The following PLEKHG3 variants were observed in gnomAD, a reference collection of about 807,000 sequenced individuals.
PLEKHG3 encodes pleckstrin homology and RhoGEF domain containing G3.
A neutral mutation model predicts 94.9 loss-of-function variants in PLEKHG3; 62 were observed. The ratio of observed to expected loss-of-function variants is 0.65; its 90% CI spans 0.53 to 0.81. The LOEUF (loss-of-function observed/expected upper bound fraction) is 0.81. PLEKHG3 is among the 30% of genes least tolerant of loss of function. The pLI, the probability that PLEKHG3 is intolerant of heterozygous loss-of-function variation, is 0.00. For synonymous variants in PLEKHG3, 614 were observed against 654.0 expected (o/e 0.94, Z 0.93); for missense variants, 1,461 against 1,619.3 (o/e 0.90, Z 1.68).
Position 64,716,224 on chromosome 14 carries a change from G to A in PLEKHG3, c.-39-11369G>A, listed in dbSNP as rs144635448. The A allele has an allele frequency of 9.7e-3, 3,473 of 359,768 alleles. 39 individuals are homozygous for A. Among genetic ancestry groups the A allele is most frequent in the South Asian group, 0.017 (813 of 49,246 alleles). 22.3% of individuals were successfully genotyped at this position (359,768 alleles called of 1,614,324 possible). ...CCAATCACAGGCTTTAGGGTAAAAG[G>A]CAGGTTTTTCCCTTGTGGGTTAGAC... On this transcript the variant is annotated intron_variant, in intron 1 of 16. Coordinates refer to ENST00000247226, the MANE Select transcript of PLEKHG3 (RefSeq NM_001308147.2). This position sits in a 1 kb window ranked among gnomAD's most constrained non-coding sequence, Gnocchi z 5.0.
chr14:64,710,037 G>T (rs1566689777), intron 1 of PLEKHG3, among the ~76,000 whole-genome samples: 1 of 152,204 alleles, frequency 6.6e-6, no homozygotes, highest in Non-Finnish European at 1.5e-5. Context: ...CCTGCAGCAT[G>T]TAAGAAGGAG....
In PLEKHG3 at chr14:64,741,167, C is replaced by T; in HGVS notation, c.1650C>T (p.Gly550=). The T allele has an allele frequency of 6.2e-7, 1 of 1,614,154 alleles. No individual in the cohort carries two copies. The highest frequency in any genetic ancestry group is 2.2e-5 in the East Asian group (1 of 44,890). ...AGACACAGCTTGATGCCCACCAGGG[C>T]CTTCTGGGGATGGACCCCCCAGGTG... The part of the protein sequence containing the change: ...VLETQLDAHQ[G]LLGMDPPGDM... The change falls in exon 16 of 17, where the codon GGC becomes GGT. Residue 550 remains glycine, a synonymous_variant. Coordinates refer to ENST00000247226, the MANE Select transcript of PLEKHG3 (RefSeq NM_001308147.2).
At chr14:64,712,214 G>A (rs2081074593) in intron 1 of PLEKHG3, among the ~76,000 whole-genome samples, 1 of 152,124 alleles carries the variant, frequency 6.6e-6, no homozygotes, top group African/African-American at 2.4e-5. Context: ...GTACCATATA[G>A]TCTTGATAAC....
In PLEKHG3 at chr14:64,741,354, T is replaced by C. The variant is rs1471100382; in HGVS notation, c.1837T>C (p.Phe613Leu). The C allele has an allele frequency of 6.2e-6, 10 of 1,613,400 alleles. No individual in the cohort carries two copies. The highest frequency in any genetic ancestry group is 8.5e-6 in the Non-Finnish European group (10 of 1,180,030). Residue 613 changes from phenylalanine (F) to leucine (L), a missense_variant, in exon 16 of 17, where the codon TTC becomes CTC. By Grantham distance (22) the Phe-to-Leu change is conservative (BLOSUM62 0). Around this residue, in one of 3 missense-constraint regions of PLEKHG3, gnomAD observed 1,201 missense variants for 1,295.5 expected, o/e 0.93. Coordinates refer to ENST00000247226, the MANE Select transcript of PLEKHG3 (RefSeq NM_001308147.2). The stretch of plus-strand genomic sequence containing the variant: ...CATTGCGGAGCGATTTGTCAGCAGC[T>C]TCTCTCGGCGGAGCAGCGTGGCACA... ...SVIAERFVSS[F>L]SRRSSVAQED...
In PLEKHG3 at chr14:64,731,686, C is replaced by G. The variant is rs779747958; in HGVS notation, c.1033-28C>G. The G allele has an allele frequency of 6.4e-7, 1 of 1,566,652 alleles. No individual in the cohort carries two copies. The highest frequency in any genetic ancestry group is 1.7e-5 in the Admixed American group (1 of 59,964). ...GCTTCCCCAGGCTGTCAACCTTGTG[C>G]TTGACTGTCCTTTCCCTCTGCCCCT... On this transcript the variant is annotated intron_variant, in intron 8 of 16. Transcript: ENST00000247226. This position sits in a 1 kb window ranked among gnomAD's most constrained non-coding sequence, Gnocchi z 6.1.
chr14:64,726,197 C>T lies in PLEKHG3; in HGVS notation c.-39-1396C>T, dbSNP rs1308685309. Among the ~76,000 whole-genome samples, 2 of 152,070 alleles carry T rather than the reference C, an allele frequency of 1.3e-5. No homozygotes were observed. The highest frequency in any genetic ancestry group is 2.9e-5 in the Non-Finnish European group (2 of 68,002). ...AGAACATTTGCAAAAGCCGGAGACC[C>T]AGGGGTGTTGGTTTCCAGGTTGAGG... On this transcript the variant is annotated intron_variant, in intron 1 of 16. Coordinates refer to ENST00000247226, the MANE Select transcript of PLEKHG3 (RefSeq NM_001308147.2). This position sits in a 1 kb window ranked among gnomAD's most constrained non-coding sequence, Gnocchi z 5.1.
chr14:64,727,436 G>A lies in PLEKHG3; in HGVS notation c.-39-157G>A, dbSNP rs1300738706. ...CATATCATTGTGCAATGTCATCACT[G>A]TCTATCCACAGAACCTTTTCATCTT... On this transcript the variant is annotated intron_variant, in intron 1 of 16. Transcript: ENST00000247226. The surrounding 1 kb of genome is among the most constrained non-coding windows in gnomAD (Gnocchi z 6.0). Among the ~76,000 whole-genome samples, 1 of 152,184 alleles carries A rather than the reference G, an allele frequency of 6.6e-6. No individual in the cohort carries two copies. Among genetic ancestry groups the A allele is most frequent in the Non-Finnish European group, 1.5e-5 (1 of 68,028 alleles).
chr14:64,705,635 C>A (rs1404893899), intron 1 of PLEKHG3, among the ~76,000 whole-genome samples: 3 of 152,212 alleles, frequency 2.0e-5, no homozygotes, highest in Admixed American at 6.5e-5. Context: ...CGTGCCTCTG[C>A]ACGCAGCCCA....
At position 64,724,343 on chromosome 14, in the gene PLEKHG3, C is replaced by T. The variant is rs1044149603; in HGVS notation, c.-39-3250C>T. Among the ~76,000 whole-genome samples the T allele has an allele frequency of 4.6e-5, 7 of 152,106 alleles. No homozygotes were observed. The South Asian group carries it at 6.2e-4, about 14-fold the overall frequency. ...CTTTGTACTCAGTGCCTCATTTGTT[C>T]TTCAGCCCTCCCTTTCTTGGGCTCT... On this transcript the variant is annotated intron_variant, in intron 1 of 16. Coordinates refer to ENST00000247226, the MANE Select transcript of PLEKHG3 (RefSeq NM_001308147.2).
In PLEKHG3 at chr14:64,741,979, T is replaced by C. The variant is rs184769882; in HGVS notation, c.2462T>C (p.Met821Thr). Residue 821 changes from methionine (M) to threonine (T), a missense_variant, in exon 16 of 17, where the codon ATG (methionine) becomes ACG (threonine). Around this residue, in one of 3 missense-constraint regions of PLEKHG3, gnomAD observed 1,201 missense variants for 1,295.5 expected, o/e 0.93. Coordinates refer to ENST00000247226, the MANE Select transcript of PLEKHG3 (RefSeq NM_001308147.2). ...GAAATTGTGAAGATCTGGGAGGGAA[T>C]GGAGTCTTCCGGAGGGAGCCCTGGG... Reference protein sequence around the residue: ...SSEIVKIWEGMESSGGSPGKG... With the variant: ...SSEIVKIWEGTESSGGSPGKG... The C allele has an allele frequency of 4.8e-4, 751 of 1,574,958 alleles. 2 individuals are homozygous for C. The highest frequency in any genetic ancestry group is 4.9e-5 in the Non-Finnish European group (57 of 1,162,322).
At chr14:64,724,956 G>A (rs1239958205) in intron 1 of PLEKHG3, among the ~76,000 whole-genome samples, 1 of 152,242 alleles carries the variant, frequency 6.6e-6, no homozygotes, top group Non-Finnish European at 1.5e-5. Context: ...TATATACAGA[G>A]CGCTCAGAGC....
rs2081399008 is a variant in PLEKHG3 at position 64,728,628 on chromosome 14, CTGGCAGTCTT to C, written c.352-365_352-356del. On this transcript the variant is annotated intron_variant, in intron 2 of 16. Coordinates refer to ENST00000247226, the MANE Select transcript of PLEKHG3 (RefSeq NM_001308147.2). This position sits in a 1 kb window ranked among gnomAD's most constrained non-coding sequence, Gnocchi z 5.9. The stretch of plus-strand genomic sequence containing the variant: ...TGCCTGTCATCCAGCTTCTGGGGTC[CTGGCAGTCTT>C]TGACATTGTTGGCCTGGAGATGCGG... 1.3e-5 allele frequency among the ~76,000 whole-genome samples: 2 copies of C among 152,206 alleles called. No individual in the cohort carries two copies. Among genetic ancestry groups the C allele is most frequent in the African/African-American group, 4.8e-5 (2 of 41,446 alleles).
At position 64,727,505 on chromosome 14, in the gene PLEKHG3, C is replaced by CA; in HGVS notation, c.-39-87dup. ...TGCACTAAATAATACCTTCCCACCC[C>CA]ACCTGCCCCCACCCCTGGCAACCGT... On this transcript the variant is annotated intron_variant, in intron 1 of 16. Transcript: ENST00000247226. The surrounding 1 kb of genome is among the most constrained non-coding windows in gnomAD (Gnocchi z 6.0). 2.2e-6 allele frequency: 1 copy of CA among 462,410 alleles called. No homozygotes were observed. Among genetic ancestry groups the CA allele is most frequent in the South Asian group, 2.0e-5 (1 of 48,868 alleles). 28.6% of individuals were successfully genotyped at this position (462,410 alleles called of 1,614,324 possible).
chr14:64,724,466 T>G (rs929698643), intron 1 of PLEKHG3, among the ~76,000 whole-genome samples: 1 of 152,064 alleles, frequency 6.6e-6, no homozygotes, highest in Non-Finnish European at 1.5e-5. Context: ...ATCCAAGAAG[T>G]TTATAGTCCA....
In PLEKHG3 at chr14:64,747,560, T is replaced by C. The variant is rs2081866453; in HGVS notation, c.*3857T>C. 1 of 152,494 alleles carries C rather than the reference T, an allele frequency of 6.6e-6. No individual in the cohort carries two copies. Among genetic ancestry groups the C allele is most frequent in the Admixed American group, 6.5e-5 (1 of 15,278 alleles). The allele number at this position is 152,494 out of a possible 1,614,324, so 9.4% of individuals were successfully genotyped here. On this transcript the variant is annotated 3_prime_UTR_variant, in exon 17 of 17. Coordinates refer to ENST00000247226, the MANE Select transcript of PLEKHG3 (RefSeq NM_001308147.2). ...TGGCTCCTGCCTGCTGCAGTTGGTG[T>C]CACCCTGACATATAGTGTCAGGGCC...
At position 64,738,573 on chromosome 14, in the gene PLEKHG3, G is replaced by C. The variant is rs534014507; in HGVS notation, c.1405-169G>C. Among the ~76,000 whole-genome samples, 1 of 152,204 alleles carries C rather than the reference G, an allele frequency of 6.6e-6. No homozygotes were observed. Among genetic ancestry groups the C allele is most frequent in the Non-Finnish European group, 1.5e-5 (1 of 68,032 alleles). ...AGCTGCATGCCTGACAAGGCTTTCCGCAGCCCCAGGCCTGGCAGTTCAGGT... is the reference window on the plus strand; with the variant it reads ...AGCTGCATGCCTGACAAGGCTTTCCCCAGCCCCAGGCCTGGCAGTTCAGGT... On this transcript the variant is annotated intron_variant, in intron 14 of 16. Transcript: ENST00000247226. This position sits in a 1 kb window ranked among gnomAD's most constrained non-coding sequence, Gnocchi z 4.8.
Position 64,731,372 on chromosome 14 carries a change from A to G in PLEKHG3, c.861A>G (p.Ser287=), listed in dbSNP as rs1566706371. 2 of 1,612,994 alleles carry G rather than the reference A, an allele frequency of 1.2e-6. No individual in the cohort carries two copies. Among genetic ancestry groups the G allele is most frequent in the South Asian group, 2.2e-5 (2 of 91,028 alleles). The change falls in exon 8 of 17, where the codon TCA becomes TCG. Residue 287 remains serine (S), a synonymous_variant. Coordinates refer to ENST00000247226, the MANE Select transcript of PLEKHG3 (RefSeq NM_001308147.2). This position sits in a 1 kb window ranked among gnomAD's most constrained non-coding sequence, Gnocchi z 6.1. The stretch of plus-strand genomic sequence containing the variant: ...CCCCTCTGCTGCAGGAGATTCAGTC[A>G]CTCCTCATCAACTGGAAGGGGCCCG... ...EHAVRLQEIQ[S]LLINWKGPDL...
In PLEKHG3 at chr14:64,704,950, C is replaced by T. The variant is rs1594648073; in HGVS notation, c.-40+246C>T. Among the ~76,000 whole-genome samples, 1 of 152,286 alleles carries T rather than the reference C, an allele frequency of 6.6e-6. No homozygotes were observed. The highest frequency in any genetic ancestry group is 2.1e-4 in the South Asian group (1 of 4,832). Reference sequence around the variant, plus strand: ...GACTTTTTCTGTCTTTTTTTCCCTCCACTCCGGAAACAAAAGGGGCAAATG... The same window carrying T: ...GACTTTTTCTGTCTTTTTTTCCCTCTACTCCGGAAACAAAAGGGGCAAATG... On this transcript the variant is annotated intron_variant, in intron 1 of 16. Transcript: ENST00000247226. The surrounding 1 kb of genome is among the most constrained non-coding windows in gnomAD (Gnocchi z 5.6).
Position 64,721,575 on chromosome 14 carries a change from G to A in PLEKHG3, c.-39-6018G>A, listed in dbSNP as rs1205610821. Among the ~76,000 whole-genome samples, 1 of 152,198 alleles carries A rather than the reference G, an allele frequency of 6.6e-6. No individual in the cohort carries two copies. Among genetic ancestry groups the A allele is most frequent in the Non-Finnish European group, 1.5e-5 (1 of 68,030 alleles). On this transcript the variant is annotated intron_variant, in intron 1 of 16. Coordinates refer to ENST00000247226, the MANE Select transcript of PLEKHG3 (RefSeq NM_001308147.2). This position sits in a 1 kb window ranked among gnomAD's most constrained non-coding sequence, Gnocchi z 4.3. Reference sequence around the variant, plus strand: ...ATTTGAACCAGCTGGGCTGGGTTTGGGTGGCCCAGAAACCTTGGTCACACT... The same window carrying A: ...ATTTGAACCAGCTGGGCTGGGTTTGAGTGGCCCAGAAACCTTGGTCACACT...
Sources: allele counts gnomAD v4.1 joint callset (sites outside exome capture counted in the v4.1 genomes callset), GRCh38; gene constraint gnomAD v4.1.1; regional missense constraint gnomAD v4.1.1; non-coding constraint Gnocchi (gnomAD v3.1); transcripts MANE v1.5; gene names NCBI Gene and HGNC (gene_info 2026-07-23, HGNC 2026-07-21).